The following MGAT4C variants were observed in gnomAD, a reference collection of about 807,000 sequenced individuals.
MGAT4C encodes the protein alpha-1,3-mannosyl-glycoprotein 4-beta-N-acetylglucosaminyltransferase C.
MGAT4C carries 19 observed loss-of-function variants against 40.1 expected under a neutral mutation model. The ratio of observed to expected loss-of-function variants is 0.47; its 90% confidence interval spans 0.33 to 0.70. MGAT4C has a LOEUF of 0.70. Among genes scored for constraint, MGAT4C ranks in the 30% least tolerant of loss-of-function variants. MGAT4C has a pLI of 0.02. For missense variants in MGAT4C, 491 were observed against 563.2 expected, an observed-to-expected ratio of 0.87 and a Z score of 1.30; for synonymous variants, 181 against 187.1, an observed-to-expected ratio of 0.97 and a Z score of 0.27.
chr12:86,444,751 A>G (rs1023566670), intron 2 of MGAT4C, among the ~76,000 whole-genome samples: 2 of 152,212 alleles, frequency 1.3e-5, no homozygotes, highest in East Asian at 1.9e-4. Context: ...TTTCTGAGGT[A>G]CGGTTCTGTA....
At chr12:86,374,661 T>C (rs1347582024) in intron 3 of MGAT4C, among the ~76,000 whole-genome samples, 1 of 152,108 alleles carries the variant, frequency 6.6e-6, no homozygotes, top group Non-Finnish European at 1.5e-5. Context: ...AGATCAGAAA[T>C]AAGGCATTTC....
chr12:86,567,557 T>A (rs1442559414), intron 2 of MGAT4C, among the ~76,000 whole-genome samples: 1 of 152,106 alleles, frequency 6.6e-6, no homozygotes, highest in Admixed American at 6.6e-5. Flanking sequence ...TGCCCTGTGA[T>A]TAAGGTCAAT....
At chr12:86,822,433 C>A (rs189254571) in intron 1 of MGAT4C, among the ~76,000 whole-genome samples, 70 of 150,992 alleles carry the variant, frequency 4.6e-4, no homozygotes, top group Admixed American at 4.6e-3. Context: ...ATAGACCTAT[C>A]TAAATGCTGT....
intron 1 of MGAT4C, among the ~76,000 whole-genome samples, chr12:86,793,266 C>T (rs190890800): frequency 6.0e-4 from 91 of 152,174 alleles, no homozygotes; most frequent in Admixed American, 4.5e-3. Flanking sequence ...AGGAGGGCAT[C>T]ATTACTCAGA....
At chr12:85,990,569 C>T (rs530751017) in intron 2 of MGAT4C, among the ~76,000 whole-genome samples, 2 of 152,000 alleles carry the variant, frequency 1.3e-5, no homozygotes, top group South Asian at 4.1e-4. Flanking sequence ...ACATAGCTGG[C>T]AAATCTTATC....
intron 2 of MGAT4C, among the ~76,000 whole-genome samples, chr12:86,479,621 AAAAG>A (rs1156386338): frequency 6.6e-6 from 1 of 151,968 alleles, no homozygotes; most frequent in African/African-American, 2.4e-5. Flanking sequence ...TTAAATGATA[AAAAG>A]AAAGATCAGT....
chr12:86,270,161 G>T (rs1952906805), intron 4 of MGAT4C, among the ~76,000 whole-genome samples: 1 of 151,998 alleles, frequency 6.6e-6, no homozygotes, highest in Non-Finnish European at 1.5e-5. Flanking sequence ...CTGCCCCCTG[G>T]GTTCAAGAGA....
chr12:86,270,496 T>C (rs1952919210), intron 4 of MGAT4C, among the ~76,000 whole-genome samples: 1 of 152,166 alleles, frequency 6.6e-6, no homozygotes, highest in South Asian at 2.1e-4. Context: ...AGGAATTTCA[T>C]ATAATTAAAA....
intron 2 of MGAT4C, among the ~76,000 whole-genome samples, chr12:86,023,575 A>C (rs1889973372): frequency 6.7e-6 from 1 of 148,242 alleles, no homozygotes. Flanking sequence ...AGAATCACGA[A>C]ATATATTATA....
intron 3 of MGAT4C, among the ~76,000 whole-genome samples, chr12:86,345,195 A>T (rs2136187373): frequency 6.6e-6 from 1 of 152,248 alleles, no homozygotes; most frequent in Non-Finnish European, 1.5e-5. Flanking sequence ...TCTAAAGAGG[A>T]ATCAAGCTGC....
chr12:86,776,203 A>G (rs1951746584), intron 1 of MGAT4C, among the ~76,000 whole-genome samples: 1 of 152,094 alleles, frequency 6.6e-6, no homozygotes, highest in Admixed American at 6.6e-5. Context: ...GATAATGGAA[A>G]TACTTGCCAT....
intron 4 of MGAT4C, among the ~76,000 whole-genome samples, chr12:85,982,615 T>A (rs919391068): frequency 6.6e-6 from 1 of 152,242 alleles, no homozygotes; most frequent in Non-Finnish European, 1.5e-5. Context: ...AATGGTACTT[T>A]TTGTAAGCTA....
intron 2 of MGAT4C, among the ~76,000 whole-genome samples, chr12:86,651,395 C>G (rs1359717200): frequency 6.6e-6 from 1 of 151,758 alleles, no homozygotes; most frequent in Non-Finnish European, 1.5e-5. Flanking sequence ...TAAAATCCAA[C>G]AATTTAAGTT....
intron 4 of MGAT4C, among the ~76,000 whole-genome samples, chr12:86,310,291 G>A (rs186567755): frequency 6.6e-5 from 10 of 151,900 alleles, no homozygotes; most frequent in African/African-American, 2.2e-4. Context: ...ATTTGATAGG[G>A]GAATAAACAT....
intron 2 of MGAT4C, among the ~76,000 whole-genome samples, chr12:86,500,180 C>A (rs952384151): frequency 6.6e-6 from 1 of 151,652 alleles, no homozygotes; most frequent in African/African-American, 2.4e-5. Context: ...TATCTATATT[C>A]ATATATATGT....
At chr12:86,586,902 T>C (rs950274603) in intron 2 of MGAT4C, among the ~76,000 whole-genome samples, 3 of 152,166 alleles carry the variant, frequency 2.0e-5, no homozygotes, top group African/African-American at 7.2e-5. Flanking sequence ...TTTTGTGGGT[T>C]GCCTGTTCAC....
At chr12:86,130,562 TTTC>T (rs1350497748) in intron 1 of MGAT4C, among the ~76,000 whole-genome samples, 3 of 152,096 alleles carry the variant, frequency 2.0e-5, no homozygotes, top group African/African-American at 4.8e-5. Context: ...TAGTGTTGCT[TTTC>T]TTCTTTATTG....
chr12:86,265,312 G>C (rs1216366799), intron 4 of MGAT4C, among the ~76,000 whole-genome samples: 1 of 152,204 alleles, frequency 6.6e-6, no homozygotes, highest in Non-Finnish European at 1.5e-5. Context: ...AGCGTCACCA[G>C]CCACAGAGGT....
chr12:86,110,300 C>A (rs77521302), intron 1 of MGAT4C, among the ~76,000 whole-genome samples: 2,186 of 11,920 alleles, frequency 0.18, 347 homozygotes, highest in African/African-American at 0.2. Flanking sequence ...TATAGTCTCT[C>A]TATATATATA....
Sources: gnomAD v4.1 joint callset for allele counts (sites outside exome capture counted in the v4.1 genomes callset) on GRCh38, gnomAD v4.1.1 for gene constraint, MANE v1.5 for transcripts, NCBI Gene and HGNC (gene_info 2026-07-23, HGNC 2026-07-21) for gene names.